The following ACTR3C variants were observed in gnomAD, a reference collection of about 807,000 sequenced individuals.
ACTR3C encodes the protein actin-related protein 3C.
In ACTR3C, 18 loss-of-function variants were observed where a neutral mutation model predicts 26.3. The ratio of observed to expected loss-of-function variants is 0.68; its 90% CI spans 0.47 to 1.01. The LOEUF is 1.01. Among genes scored for constraint, ACTR3C ranks in the 50% least tolerant of loss-of-function variants. The pLI, the probability that ACTR3C is intolerant of heterozygous loss-of-function variation, is 0.00. For missense variants in ACTR3C, 184 were observed against 250.7 expected (o/e 0.73, Z 1.80); for synonymous variants, 55 against 94.5 (o/e 0.58, Z 2.42).
the ACTR3C span, among the ~76,000 whole-genome samples, chr7:150,023,936 T>A: frequency 8.5e-6 from 1 of 117,812 alleles, no homozygotes. Context: ...GCAAAGGAGA[T>A]GACAGGAGGA....
chr7:150,153,514 C>T, the ACTR3C span, among the ~76,000 whole-genome samples: 12 of 138,794 alleles, frequency 8.6e-5, no homozygotes, highest in South Asian at 2.6e-4. Context: ...AAATCAAAAC[C>T]GCAATGAGAT....
chr7:150,319,386 T>A (rs147863703), intron 1 of ACTR3C, among the ~76,000 whole-genome samples: 2,448 of 152,290 alleles, frequency 0.016, 26 homozygotes, highest in Non-Finnish European at 0.027. Flanking sequence ...TTTGTATTTT[T>A]AGTAGAAACG....
chr7:150,287,490 ATATG>A (rs575024459), intron 4 of ACTR3C, among the ~76,000 whole-genome samples: 111 of 152,110 alleles, frequency 7.3e-4, no homozygotes, highest in Non-Finnish European at 1.2e-3. Flanking sequence ...CTTTGTGTTG[ATATG>A]TGTCCTTAGA....
At position 150,273,632 on chromosome 7, in the gene ACTR3C, T is replaced by A. The variant is rs543852368; in HGVS notation, c.564+11121A>T. Reference sequence around the variant, plus strand: ...TTGTTTACTTTCGCAGTTTAACAAATATTTACTGAGCCTATCTTTTGAAAT... The same window carrying A: ...TTGTTTACTTTCGCAGTTTAACAAAAATTTACTGAGCCTATCTTTTGAAAT... On this transcript the variant is annotated intron_variant, in intron 6 of 7. Transcript: ENST00000683684. 8.6e-5 allele frequency among the ~76,000 whole-genome samples: 13 copies of A among 150,860 alleles called. No homozygotes were observed. The South Asian group carries it at 2.8e-3, about 32-fold the overall frequency.
chr7:150,035,720 A>G, the ACTR3C span, among the ~76,000 whole-genome samples: 2 of 136,428 alleles, frequency 1.5e-5, 1 homozygote, highest in African/African-American at 5.4e-5. Flanking sequence ...CAGGGGGTGA[A>G]GATGGTCTGG....
chr7:150,036,757 G>C, the ACTR3C span, among the ~76,000 whole-genome samples: 64 of 138,410 alleles, frequency 4.6e-4, 3 homozygotes, highest in East Asian at 2.7e-3. Flanking sequence ...CCCATGTAAG[G>C]TATCTGCCGT....
At chr7:150,188,837 G>A in the ACTR3C span, among the ~76,000 whole-genome samples, 10 of 150,812 alleles carry the variant, frequency 6.6e-5, no homozygotes, top group Non-Finnish European at 1.2e-4. Flanking sequence ...ATCTGAGTAA[G>A]AGGTACATTC....
chr7:150,038,974 C>G, the ACTR3C span, among the ~76,000 whole-genome samples: 21 of 96,138 alleles, frequency 2.2e-4, 8 homozygotes, highest in Non-Finnish European at 4.3e-4. Context: ...GTGCCTCCCC[C>G]TCCTGCGATC....
the ACTR3C span, among the ~76,000 whole-genome samples, chr7:150,037,804 G>A: frequency 1.8e-5 from 1 of 54,204 alleles, no homozygotes; most frequent in African/African-American, 4.9e-5. Context: ...CAGAGCCAGC[G>A]GGGGAAGAGG....
At chr7:150,230,567 C>T in the ACTR3C span, among the ~76,000 whole-genome samples, 1 of 152,222 alleles carries the variant, frequency 6.6e-6, no homozygotes, top group South Asian at 2.1e-4. Context: ...CTATTGTGAA[C>T]TGCCTGCATG....
intron 1 of ACTR3C, among the ~76,000 whole-genome samples, chr7:150,301,130 A>G (rs1253166658): frequency 2.0e-5 from 3 of 152,250 alleles, no homozygotes; most frequent in Admixed American, 2.0e-4. Flanking sequence ...CCAATATTGT[A>G]TCTCATTCCA....
chr7:150,188,066 A>AT, the ACTR3C span, among the ~76,000 whole-genome samples: 1 of 149,956 alleles, frequency 6.7e-6, no homozygotes, highest in Non-Finnish European at 1.5e-5. Flanking sequence ...CTTATCTTGA[A>AT]TTTTCTCTGC....
the ACTR3C span, among the ~76,000 whole-genome samples, chr7:150,000,205 A>G: frequency 2.6e-5 from 4 of 152,096 alleles, no homozygotes; most frequent in South Asian, 8.3e-4. Context: ...TTAATTATGA[A>G]ATATTTTATT....
At chr7:150,076,746 G>A in the ACTR3C span, 1 of 151,296 alleles carries the variant, frequency 6.6e-6, no homozygotes, top group East Asian at 1.9e-4. Flanking sequence ...TCTAATAATT[G>A]AATTTATTTT....
At chr7:150,220,921 C>CCCACTCTT in the ACTR3C span, among the ~76,000 whole-genome samples, 2 of 152,290 alleles carry the variant, frequency 1.3e-5, no homozygotes, top group Non-Finnish European at 2.9e-5. Context: ...GGGACTGGTG[C>CCCACTCTT]CCACTCTTGC....
At chr7:150,189,952 A>G in the ACTR3C span, among the ~76,000 whole-genome samples, 5 of 150,418 alleles carry the variant, frequency 3.3e-5, no homozygotes, top group African/African-American at 1.2e-4. Flanking sequence ...TGGGAGATAC[A>G]TGTTTAACAT....
the ACTR3C span, among the ~76,000 whole-genome samples, chr7:150,216,426 G>T: frequency 6.6e-6 from 1 of 151,648 alleles, no homozygotes; most frequent in African/African-American, 2.4e-5. Flanking sequence ...TTTTTTCTGG[G>T]GTTGTGGGGG....
At chr7:150,089,691 G>C in the ACTR3C span, among the ~76,000 whole-genome samples, 641 of 152,046 alleles carry the variant, frequency 4.2e-3, 6 homozygotes, top group African/African-American at 0.015. Flanking sequence ...ATCCACTCTG[G>C]TGCCACTCAA....
chr7:149,992,340 AC>A, the ACTR3C span, among the ~76,000 whole-genome samples: 1 of 152,226 alleles, frequency 6.6e-6, no homozygotes, highest in Non-Finnish European at 1.5e-5. Context: ...CTCTCATCTT[AC>A]TAAAGCACGT....
Sources: allele counts gnomAD v4.1 joint callset (sites outside exome capture counted in the v4.1 genomes callset), GRCh38; gene constraint gnomAD v4.1.1; transcripts MANE v1.5; gene names NCBI Gene and HGNC (gene_info 2026-07-23, HGNC 2026-07-21).